ITPR2: variants seen among roughly 807,000 people sequenced by gnomAD.
The protein encoded by ITPR2 is inositol 1,4,5-trisphosphate receptor type 2.
ITPR2 carries 207 observed loss-of-function variants against 317.1 expected under a neutral mutation model. The ratio of observed to expected loss-of-function variants is 0.65; its 90% confidence interval spans 0.58 to 0.73. The LOEUF is 0.73. Ranked by LOEUF, ITPR2 falls within the 30% of genes least tolerant of loss-of-function variation. The pLI, the probability that ITPR2 is intolerant of heterozygous loss-of-function variation, is 0.00. For synonymous variants in ITPR2, 1,156 were observed against 1,149.1 expected, an observed-to-expected ratio of 1.01 and a Z score of -0.12; for missense variants, 2,613 against 3,284.0, an observed-to-expected ratio of 0.80 and a Z score of 4.99.
At chr12:26,415,048 C>G (rs1940676205) in intron 51 of ITPR2, among the ~76,000 whole-genome samples, 1 of 152,016 alleles carries the variant, frequency 6.6e-6, no homozygotes, top group South Asian at 2.1e-4. Context: ...ATATAGTCAG[C>G]TTTATTGAAA....
chr12:26,388,443 C>T (rs2136630570), intron 54 of ITPR2, among the ~76,000 whole-genome samples: 1 of 152,180 alleles, frequency 6.6e-6, no homozygotes, highest in Admixed American at 6.5e-5. Flanking sequence ...TGTAAGTTCA[C>T]TCAGGGATGT....
At chr12:26,353,507 A>G (rs1371967317) in intron 55 of ITPR2, among the ~76,000 whole-genome samples, 1 of 152,220 alleles carries the variant, frequency 6.6e-6, no homozygotes, top group Non-Finnish European at 1.5e-5. Context: ...TTTCCATGAC[A>G]GTCTGAGTAT....
At chr12:26,790,718 T>C (rs1313212962) in intron 1 of ITPR2, among the ~76,000 whole-genome samples, 4 of 152,144 alleles carry the variant, frequency 2.6e-5, no homozygotes, top group Admixed American at 2.6e-4. Context: ...TTTCCCGGTG[T>C]GTATGTATGT....
intron 14 of ITPR2, among the ~76,000 whole-genome samples, chr12:26,664,089 T>A (rs1183439302): frequency 6.6e-6 from 1 of 152,222 alleles, no homozygotes; most frequent in East Asian, 1.9e-4. Flanking sequence ...TAATTTTGTT[T>A]AGAAATCATA....
intron 1 of ITPR2, among the ~76,000 whole-genome samples, chr12:26,792,569 A>G (rs1950360549): frequency 6.6e-6 from 1 of 152,012 alleles, no homozygotes; most frequent in Non-Finnish European, 1.5e-5. Context: ...TCTTCTATCT[A>G]CTTGCCTAAT....
In ITPR2 at chr12:26,682,595, T is replaced by C. The variant is rs781740825; in HGVS notation, c.1227A>G (p.Glu409=). The C allele has an allele frequency of 2.5e-6, 4 of 1,610,922 alleles. No homozygotes were observed. Among genetic ancestry groups the C allele is most frequent in the Admixed American group, 1.7e-5 (1 of 59,808 alleles). ...TSTSIPIDTD[E]ERPVMLKIGT... ...TTACCTTTAACATAACAGGCCTCTC[T>C]TCATCTGTGTCTATGGGGATACTAG... Residue 409 remains glutamate, a synonymous_variant, in exon 12 of 57, where the codon GAA becomes GAG. Transcript: ENST00000381340.
rs765668199 is a variant in ITPR2, at chr12:26,483,950, ATTGT to A, written c.5812-56_5812-53del. The stretch of plus-strand genomic sequence containing the variant: ...AGGGTTACAAAAATTCACTGTGCTG[ATTGT>A]TTGCTGTTCTTCCCATATGTGTGCT... On this transcript the variant is annotated intron_variant, in intron 41 of 56. Coordinates refer to ENST00000381340, the MANE Select transcript of ITPR2 (RefSeq NM_002223.4). 7 of 1,472,352 alleles carry A rather than the reference ATTGT, an allele frequency of 4.8e-6. No individual in the cohort carries two copies. The East Asian group carries it at 1.1e-4, about 24-fold the overall frequency. The allele number at this position is 1,472,352 out of a possible 1,614,324, so 91.2% of individuals were successfully genotyped here.
chr12:26,656,063 A>G (rs897833170), intron 19 of ITPR2, among the ~76,000 whole-genome samples: 1 of 152,192 alleles, frequency 6.6e-6, no homozygotes, highest in African/African-American at 2.4e-5. Flanking sequence ...AAGTACTTAC[A>G]ATTCTTGCTC....
intron 37 of ITPR2, among the ~76,000 whole-genome samples, chr12:26,549,958 G>A (rs1386646206): frequency 6.6e-6 from 1 of 151,730 alleles, no homozygotes; most frequent in Admixed American, 6.6e-5. Context: ...GTTTAAAAAG[G>A]TCATTTGGTC....
Position 26,415,374 on chromosome 12 carries a change from A to G in ITPR2, c.7235T>C (p.Ile2412Thr), listed in dbSNP as rs1940689677. Reference protein sequence around the residue: ...ALILVYLFSIIGFLFLKDDFT... With the variant: ...ALILVYLFSITGFLFLKDDFT... The stretch of plus-strand genomic sequence containing the variant: ...GTCATCCTTCAAAAAAAGGAACCCA[A>G]TAATGGAAAACAGGTAGACGAGGAT... The change falls in exon 51 of 57, where the codon ATT becomes ACT. Residue 2412 changes from isoleucine to threonine, a missense_variant. Transcript: ENST00000381340. 6.2e-7 allele frequency: 1 copy of G among 1,612,786 alleles called. No homozygotes were observed. Among genetic ancestry groups the G allele is most frequent in the African/African-American group, 1.3e-5 (1 of 74,832 alleles).
chr12:26,747,699 T>A (rs901184941), intron 2 of ITPR2, among the ~76,000 whole-genome samples: 1 of 152,194 alleles, frequency 6.6e-6, no homozygotes, highest in African/African-American at 2.4e-5. Flanking sequence ...GACTCTCCCC[T>A]TCCAATACAA....
Position 26,426,713 on chromosome 12 carries a change from T to C in ITPR2, c.6945+1200A>G, listed in dbSNP as rs546662636. On this transcript the variant is annotated intron_variant, in intron 49 of 56. Coordinates refer to ENST00000381340, the MANE Select transcript of ITPR2 (RefSeq NM_002223.4). ...TACATCATGTCTAATTTTCGAAGAA[T>C]TGTAATAAAATAGAGGTCAGAAACA... 4.6e-5 allele frequency among the ~76,000 whole-genome samples: 7 copies of C among 152,172 alleles called. No individual in the cohort carries two copies. In the East Asian group the frequency reaches 1.2e-3, roughly 25 times the overall value.
chr12:26,585,855 G>A (rs1190095236), intron 32 of ITPR2, among the ~76,000 whole-genome samples: 9 of 152,136 alleles, frequency 5.9e-5, no homozygotes, highest in East Asian at 3.9e-4. Context: ...AAATACATAC[G>A]CTGAACCATC....
chr12:26,748,893 T>C (rs1005798495), intron 2 of ITPR2, among the ~76,000 whole-genome samples: 11 of 152,154 alleles, frequency 7.2e-5, no homozygotes, highest in African/African-American at 2.4e-4. Flanking sequence ...ACAAGACAAG[T>C]AGCAACAAGT....
Position 26,439,172 on chromosome 12 carries a change from T to C in ITPR2, c.6598A>G (p.Thr2200Ala), listed in dbSNP as rs750462394. 7 of 1,612,358 alleles carry C rather than the reference T, an allele frequency of 4.3e-6. No individual in the cohort carries two copies. Among genetic ancestry groups the C allele is most frequent in the South Asian group, 1.1e-5 (1 of 90,562 alleles). ...GSKVNDFFQQ[T>A]EDLYNEMKWQ... The stretch of plus-strand genomic sequence containing the variant: ...TTCATTTCATTGTAGAGATCTTCTG[T>C]TTGCTGGAAAAAGTCATTCACTTTA... The change falls in exon 47 of 57, where the codon ACA (threonine) becomes GCA (alanine). Residue 2200 changes from threonine to alanine, a missense_variant. Thr to Ala is a moderately conservative substitution (Grantham distance 58). This residue lies in a region of ITPR2 where 926 missense variants were observed against 1,072.8 expected (regional missense o/e 0.86). Transcript: ENST00000381340.
At chr12:26,419,018 G>A (rs753724124) in intron 50 of ITPR2, 31 bp downstream of exon 50, 67 of 1,571,908 alleles carry the variant, frequency 4.3e-5, no homozygotes, top group Middle Eastern at 3.4e-4. Context: ...TACTTTTTCA[G>A]CAGTGATTGT....
In ITPR2 at chr12:26,387,692, T is replaced by C. The variant is rs1323155545; in HGVS notation, c.7697-98A>G. 3.4e-6 allele frequency: 4 copies of C among 1,190,098 alleles called. No individual in the cohort carries two copies. In the East Asian group the frequency reaches 1.0e-4, roughly 30 times the overall value. The allele number at this position is 1,190,098 out of a possible 1,614,324, so 73.7% of individuals were successfully genotyped here. A position where few individuals can be genotyped will look rare whatever the true frequency, so the allele number is the denominator to read the frequency against. On this transcript the variant is annotated intron_variant, in intron 54 of 56. Coordinates refer to ENST00000381340, the MANE Select transcript of ITPR2 (RefSeq NM_002223.4). ...AACACAATAATTATTGTGAAAAAAA[T>C]GCTTTCAGTAAGAGTGTGCCAATTT...
intron 21 of ITPR2, among the ~76,000 whole-genome samples, chr12:26,635,073 A>G (rs1946837532): frequency 6.6e-6 from 1 of 152,222 alleles, no homozygotes; most frequent in East Asian, 1.9e-4. Context: ...CTTGGGGAAT[A>G]CATTGCTTTG....
chr12:26,700,064 T>A (rs1018975375), intron 9 of ITPR2, among the ~76,000 whole-genome samples: 16 of 152,276 alleles, frequency 1.1e-4, no homozygotes, highest in Non-Finnish European at 2.1e-4. Context: ...TCCCTGACCA[T>A]AAGACATTAC....
Sources: gnomAD v4.1 joint callset for allele counts (sites outside exome capture counted in the v4.1 genomes callset) on GRCh38, gnomAD v4.1.1 for gene constraint, gnomAD v4.1.1 regional missense constraint, MANE v1.5 for transcripts, NCBI Gene and HGNC (gene_info 2026-07-23, HGNC 2026-07-21) for gene names.